The following MYO16 variants were observed in gnomAD, a reference collection of about 807,000 sequenced individuals.
The protein encoded by MYO16 is unconventional myosin-XVI.
Under a neutral mutation model 205.3 loss-of-function variants are expected in MYO16, and 94 were observed. The observed-to-expected ratio is 0.46, with a 90% CI of 0.39 to 0.54. The LOEUF (loss-of-function observed/expected upper bound fraction) is 0.54. MYO16 is among the 20% of genes least tolerant of loss of function. MYO16 has a pLI of 0.00. For synonymous variants in MYO16, 988 were observed against 954.0 expected, an observed-to-expected ratio of 1.04 and a Z score of -0.66; for missense variants, 2,315 against 2,387.5, an observed-to-expected ratio of 0.97 and a Z score of 0.63.
chr13:108,656,543 C>A (rs956791891), intron 1 of MYO16, among the ~76,000 whole-genome samples: 1 of 152,096 alleles, frequency 6.6e-6, no homozygotes, highest in Non-Finnish European at 1.5e-5. Context: ...TGTCTGAGAT[C>A]TTCGATATAA....
At chr13:108,574,003 A>G in the MYO16 span, among the ~76,000 whole-genome samples, 1 of 152,104 alleles carries the variant, frequency 6.6e-6, no homozygotes, top group African/African-American at 2.4e-5. Context: ...GGCACATGTC[A>G]GCACACCTGG....
intron 2 of MYO16, among the ~76,000 whole-genome samples, chr13:108,670,788 A>G (rs1006083544): frequency 6.6e-6 from 1 of 152,180 alleles, no homozygotes; most frequent in South Asian, 2.1e-4. Context: ...TCTGTCCTTA[A>G]TTTGTCTTCC....
chr13:108,708,285 G>A (rs138548960), intron 2 of MYO16, among the ~76,000 whole-genome samples: 4 of 152,236 alleles, frequency 2.6e-5, no homozygotes, highest in East Asian at 3.9e-4. Flanking sequence ...ATGTTAATGA[G>A]ATAAGATACA....
intron 21 of MYO16, among the ~76,000 whole-genome samples, chr13:109,001,124 A>T (rs1885196525): frequency 6.6e-6 from 1 of 151,712 alleles, no homozygotes; most frequent in South Asian, 2.1e-4. Flanking sequence ...TATCTAAGGA[A>T]GCCAGAGAAG....
chr13:108,947,022 C>A (rs868614228), intron 16 of MYO16, among the ~76,000 whole-genome samples: 3 of 152,270 alleles, frequency 2.0e-5, no homozygotes, highest in Middle Eastern at 3.4e-3. Context: ...TTGTTCACAC[C>A]ATACTTTATC....
At chr13:108,626,733 G>A (rs1013270265), upstream of MYO16, among the ~76,000 whole-genome samples, 2 of 151,732 alleles carry the variant, frequency 1.3e-5, no homozygotes, top group African/African-American at 4.8e-5. Context: ...GAAACCGGGA[G>A]GCAGAGGGTT....
chr13:108,842,181 A>G (rs1318180065), intron 9 of MYO16, among the ~76,000 whole-genome samples: 1 of 152,130 alleles, frequency 6.6e-6, no homozygotes, highest in Non-Finnish European at 1.5e-5. Flanking sequence ...ACACCAGAAG[A>G]AAAAAGCACA....
At chr13:108,779,324 G>A (rs1388499034) in intron 4 of MYO16, among the ~76,000 whole-genome samples, 3 of 152,176 alleles carry the variant, frequency 2.0e-5, no homozygotes, top group African/African-American at 7.2e-5. Flanking sequence ...AAGAAAGATT[G>A]ATGATAAATA....
intron 2 of MYO16, among the ~76,000 whole-genome samples, chr13:108,685,503 G>T (rs182618913): frequency 6.6e-6 from 1 of 152,162 alleles, no homozygotes; most frequent in Non-Finnish European, 1.5e-5. Context: ...CAACACCTAC[G>T]CATGTGATCA....
chr13:108,770,297 G>A (rs965691084), intron 4 of MYO16, among the ~76,000 whole-genome samples: 4 of 151,900 alleles, frequency 2.6e-5, no homozygotes, highest in Non-Finnish European at 5.9e-5. Context: ...TTAGAAATTT[G>A]TTTTATTTTA....
intron 23 of MYO16, among the ~76,000 whole-genome samples, chr13:109,040,411 GA>G: frequency 6.7e-6 from 1 of 149,868 alleles, no homozygotes; most frequent in Non-Finnish European, 1.5e-5. Flanking sequence ...GAGAGAGAGA[GA>G]GAGAAAATTA....
intron 31 of MYO16, among the ~76,000 whole-genome samples, chr13:109,128,951 T>C (rs1876401076): frequency 6.6e-6 from 1 of 151,904 alleles, no homozygotes; most frequent in African/African-American, 2.4e-5. Flanking sequence ...TTTGTATTTT[T>C]AGTAGAGACA....
At chr13:109,201,109 T>C (rs1269703063) in intron 34 of MYO16, among the ~76,000 whole-genome samples, 1 of 152,184 alleles carries the variant, frequency 6.6e-6, no homozygotes, top group African/African-American at 2.4e-5. Flanking sequence ...CATATCCTTT[T>C]CTCTACAGTT....
chr13:109,157,269 A>C lies in MYO16; in HGVS notation c.5165-7632A>C, dbSNP rs977144443. The stretch of plus-strand genomic sequence containing the variant: ...AAAAAAAAAAAAAAAAAAAAAAAAA[A>C]CCTTATTCTTCACAGCATGCCCTTG... On this transcript the variant is annotated intron_variant, in intron 32 of 34. Transcript: ENST00000457511. 1.8e-3 allele frequency among the ~76,000 whole-genome samples: 166 copies of C among 92,020 alleles called. 6 individuals carry two copies. Among genetic ancestry groups the C allele is most frequent in the Admixed American group, 0.018 (145 of 8,170 alleles). The allele number at this position is 92,020 out of a possible 152,430, so 60.4% of individuals were successfully genotyped here.
intron 32 of MYO16, among the ~76,000 whole-genome samples, chr13:109,145,790 T>A (rs1877302891): frequency 6.6e-6 from 1 of 152,168 alleles, no homozygotes; most frequent in African/African-American, 2.4e-5. Flanking sequence ...GTTGAGTTTA[T>A]CCAGAATAAA....
At chr13:108,753,370 C>CAAAAAA (rs534466420) in intron 4 of MYO16, among the ~76,000 whole-genome samples, 28 of 111,770 alleles carry the variant, frequency 2.5e-4, no homozygotes, top group African/African-American at 9.5e-4. Flanking sequence ...AACTCTGTGA[C>CAAAAAA]AAAAAAAAAA....
chr13:108,870,909 G>T (rs1329051830), intron 12 of MYO16, among the ~76,000 whole-genome samples: 1 of 151,780 alleles, frequency 6.6e-6, no homozygotes, highest in Non-Finnish European at 1.5e-5. Context: ...CTACATGTTT[G>T]CTATTTTATA....
chr13:108,563,364 G>A, the MYO16 span, among the ~76,000 whole-genome samples: 3 of 152,044 alleles, frequency 2.0e-5, no homozygotes, highest in Non-Finnish European at 2.9e-5. Context: ...ATTTTAAAAT[G>A]TATGATGAAA....
At chr13:108,794,588 C>T (rs562124600) in intron 6 of MYO16, among the ~76,000 whole-genome samples, 2 of 152,250 alleles carry the variant, frequency 1.3e-5, no homozygotes, top group South Asian at 4.1e-4. Flanking sequence ...CTTTTTATGG[C>T]TCTCAAGCAC....
Sources: allele counts gnomAD v4.1 joint callset (sites outside exome capture counted in the v4.1 genomes callset), GRCh38; gene constraint gnomAD v4.1.1; transcripts MANE v1.5; gene names NCBI Gene and HGNC (gene_info 2026-07-23, HGNC 2026-07-21).